The following VPS35 variants were observed in gnomAD, a reference collection of about 807,000 sequenced individuals.
The protein encoded by VPS35 is vacuolar protein sorting-associated protein 35.
A neutral mutation model predicts 98.1 loss-of-function variants in VPS35; 21 were observed. The ratio of observed to expected loss-of-function variants is 0.21; its 90% confidence interval spans 0.15 to 0.31. The LOEUF (loss-of-function observed/expected upper bound fraction) is 0.31, where lower values mean the gene tolerates loss of function less well. VPS35 is among the 10% of genes least tolerant of loss of function. The probability of loss-of-function intolerance (pLI) is 1.00; values close to 1 mark genes in which losing one functional copy is unlikely to be tolerated. For synonymous variants in VPS35, 268 were observed against 318.2 expected (o/e 0.84, Z 1.68); for missense variants, 554 against 950.8 (o/e 0.58, Z 5.49).
intron 1 of VPS35, among the ~76,000 whole-genome samples, chr16:46,685,025 G>A (rs1483769060): frequency 6.6e-6 from 1 of 152,126 alleles, no homozygotes; most frequent in Non-Finnish European, 1.5e-5. Context: ...GAGGCTGAGG[G>A]GAATAATCAC....
At position 46,656,824 on chromosome 16, in the gene VPS35, G is replaced by C. The variant is rs1282522969; in HGVS notation, c.*3648C>G. 2 of 152,152 alleles carry C rather than the reference G, an allele frequency of 1.3e-5. No homozygotes were observed. The highest frequency in any genetic ancestry group is 1.5e-5 in the Non-Finnish European group (1 of 68,042). 9.4% of individuals were successfully genotyped at this position (152,152 alleles called of 1,614,324 possible). ...GTTCGTGACCAGCCTGGCCAACATG[G>C]TGAAACCCCCATCTGTACTAAAAAT... is the stretch of plus-strand genomic sequence containing the variant. On this transcript the variant is annotated 3_prime_UTR_variant, in exon 17 of 17. Transcript: ENST00000299138.
intron 10 of VPS35, among the ~76,000 whole-genome samples, chr16:46,673,058 AT>A (rs1485727255): frequency 2.0e-5 from 3 of 152,084 alleles, no homozygotes; most frequent in Admixed American, 2.0e-4. Context: ...TACTTTGTCT[AT>A]TTTTACTTTA....
In VPS35 at chr16:46,688,838, G is replaced by T. The variant is rs1305515598; in HGVS notation, c.3+293C>A. On this transcript the variant is annotated intron_variant, in intron 1 of 16. Transcript: ENST00000299138. ...GGCAGGTGACCGATTCCACTTAAAGGAGGCCGCAGGCCTTCATGGACCCCA... is the reference window on the plus strand; with the variant it reads ...GGCAGGTGACCGATTCCACTTAAAGTAGGCCGCAGGCCTTCATGGACCCCA... 3 of 1,402,316 alleles carry T rather than the reference G, an allele frequency of 2.1e-6. No homozygotes were observed. In the African/African-American group the frequency reaches 4.3e-5, roughly 20 times the overall value. 86.9% of individuals were successfully genotyped at this position (1,402,316 alleles called of 1,614,324 possible). A position where few individuals can be genotyped will look rare whatever the true frequency, so the allele number is the denominator to read the frequency against.
intron 1 of VPS35, chr16:46,688,908 C>T (rs1966371852): frequency 6.9e-7 from 1 of 1,456,834 alleles, no homozygotes; most frequent in Admixed American, 2.5e-5. Context: ...CGCCCCGTCT[C>T]TCAGCAACGG....
chr16:46,663,862 ATTTTTTTTTTTTT>A (rs546485076), intron 13 of VPS35, among the ~76,000 whole-genome samples: 9 of 28,688 alleles, frequency 3.1e-4, no homozygotes, highest in South Asian at 7.6e-3. Flanking sequence ...CACCTGGCTA[ATTTTTTTTTTTTT>A]TTTTTTTTTT....
intron 13 of VPS35, among the ~76,000 whole-genome samples, chr16:46,663,841 T>G (rs946095857): frequency 7.6e-6 from 1 of 132,184 alleles, no homozygotes; most frequent in African/African-American, 2.7e-5. Context: ...GACTACAGGC[T>G]TGCATCACCA....
At chr16:46,667,645 T>C (rs552920315) in intron 13 of VPS35, among the ~76,000 whole-genome samples, 5 of 152,226 alleles carry the variant, frequency 3.3e-5, no homozygotes, top group African/African-American at 9.6e-5. Flanking sequence ...TGTTTTCTTC[T>C]AGGAGCTTTA....
In VPS35 at chr16:46,660,345, A is replaced by C. The variant is rs1267377794; in HGVS notation, c.*127T>G. 8.4e-7 allele frequency: 1 copy of C among 1,189,188 alleles called. No homozygotes were observed. The highest frequency in any genetic ancestry group is 1.2e-6 in the Non-Finnish European group (1 of 816,718). 73.7% of individuals were successfully genotyped at this position (1,189,188 alleles called of 1,614,324 possible). A position where few individuals can be genotyped will look rare whatever the true frequency, so the allele number is the denominator to read the frequency against. On this transcript the variant is annotated 3_prime_UTR_variant, in exon 17 of 17. Coordinates refer to ENST00000299138, the MANE Select transcript of VPS35 (RefSeq NM_018206.6). ...TGTCCGGAGGTGCTGGGTAAAACAC[A>C]TCACAGGTAAGAAATGGGAAACCTA...
chr16:46,681,876 T>C, intron 3 of VPS35: 2 of 579,912 alleles, frequency 3.4e-6, no homozygotes, highest in South Asian at 4.1e-5. Flanking sequence ...CGACAACACA[T>C]TTAAAGATGT....
At chr16:46,687,978 A>G (rs995278173) in intron 1 of VPS35, among the ~76,000 whole-genome samples, 4 of 152,246 alleles carry the variant, frequency 2.6e-5, no homozygotes, top group African/African-American at 9.6e-5. Context: ...ACAAAACAAT[A>G]TAAATGTCAA....
At chr16:46,684,015 C>T (rs997280873) in intron 1 of VPS35, among the ~76,000 whole-genome samples, 2 of 152,162 alleles carry the variant, frequency 1.3e-5, no homozygotes, top group Non-Finnish European at 2.9e-5. Context: ...CATGAGCCAC[C>T]GCACCCAGCC....
At chr16:46,676,075 A>AAG (rs1458932244) in intron 8 of VPS35, among the ~76,000 whole-genome samples, 1 of 151,194 alleles carries the variant, frequency 6.6e-6, no homozygotes, top group Non-Finnish European at 1.5e-5. Context: ...CAAAAAAAAA[A>AAG]AAAAAAAAAA....
chr16:46,677,167 A>G, intron 7 of VPS35, 148 bp downstream of exon 7: 1 of 743,176 alleles, frequency 1.3e-6, no homozygotes, highest in South Asian at 1.7e-5. Flanking sequence ...AACTGCTGAG[A>G]TTACAGGTGT....
rs1158827062 is a variant in VPS35, at chr16:46,674,473, T to C, written c.1012-11A>G. On this transcript the variant is annotated splice_polypyrimidine_tract_variant and intron_variant, in intron 9 of 16. Coordinates refer to ENST00000299138, the MANE Select transcript of VPS35 (RefSeq NM_018206.6). ...CATGTCTTGTCTAGACTGGAATGTTTAGAAAACCACACAATTTATTTTAAA... is the reference window on the plus strand; with the variant it reads ...CATGTCTTGTCTAGACTGGAATGTTCAGAAAACCACACAATTTATTTTAAA... 2.5e-6 allele frequency: 4 copies of C among 1,611,086 alleles called. No individual in the cohort carries two copies. The highest frequency in any genetic ancestry group is 3.3e-5 in the Admixed American group (2 of 59,708).
chr16:46,662,129 T>C, intron 15 of VPS35, 114 bp downstream of exon 15: 1 of 1,577,114 alleles, frequency 6.3e-7, no homozygotes, highest in South Asian at 1.1e-5. Flanking sequence ...CAAAGCAATT[T>C]TGTTCATCAG....
At chr16:46,680,027 T>TA (rs1310788132) in intron 5 of VPS35, among the ~76,000 whole-genome samples, 1 of 152,142 alleles carries the variant, frequency 6.6e-6, no homozygotes, top group Non-Finnish European at 1.5e-5. Context: ...ATAAACTTTT[T>TA]AAAAAAGGAA....
intron 6 of VPS35, among the ~76,000 whole-genome samples, chr16:46,678,526 T>C (rs1966186086): frequency 1.3e-5 from 2 of 152,170 alleles, no homozygotes; most frequent in African/African-American, 4.8e-5. Flanking sequence ...TGTGTGTCTA[T>C]CCTTTTCACC....
At chr16:46,687,921 C>A (rs564299632) in intron 1 of VPS35, among the ~76,000 whole-genome samples, 8 of 152,328 alleles carry the variant, frequency 5.3e-5, no homozygotes, top group Non-Finnish European at 1.2e-4. Flanking sequence ...GTTCACCCAA[C>A]AAAGAATCGG....
chr16:46,683,782 T>C (rs867433730), intron 1 of VPS35, among the ~76,000 whole-genome samples, 176 bp from the exon 2 acceptor site: 3 of 152,160 alleles, frequency 2.0e-5, no homozygotes, highest in South Asian at 2.1e-4. Context: ...TGGAGTGCAG[T>C]GGTGCCATCT....
Sources: allele counts gnomAD v4.1 joint callset (sites outside exome capture counted in the v4.1 genomes callset), GRCh38; gene constraint gnomAD v4.1.1; transcripts MANE v1.5; gene names NCBI Gene and HGNC (gene_info 2026-07-23, HGNC 2026-07-21).